The following HS6ST3 variants were observed in gnomAD, a reference collection of about 807,000 sequenced individuals.
HS6ST3 encodes the protein heparan-sulfate 6-O-sulfotransferase 3.
Under a neutral mutation model 36.7 loss-of-function variants are expected in HS6ST3, and 12 were observed. The observed-to-expected ratio is 0.33, with a 90% CI of 0.21 to 0.53. The LOEUF is 0.53. Among genes scored for constraint, HS6ST3 ranks in the 20% least tolerant of loss-of-function variants. The pLI is 0.95. For missense variants in HS6ST3, 584 were observed against 640.9 expected (o/e 0.91, Z 0.96); for synonymous variants, 240 against 257.5 (o/e 0.93, Z 0.65).
chr13:96,629,448 A>G (rs2056524288), intron 1 of HS6ST3, among the ~76,000 whole-genome samples: 1 of 152,108 alleles, frequency 6.6e-6, no homozygotes, highest in South Asian at 2.1e-4. Context: ...ATGAACACTC[A>G]TAGATTTGCT....
intron 1 of HS6ST3, among the ~76,000 whole-genome samples, chr13:96,104,262 G>T (rs2053831013): frequency 6.6e-6 from 1 of 152,166 alleles, no homozygotes; most frequent in African/African-American, 2.4e-5. Context: ...ATTGCAATAA[G>T]ATCTACTGGC....
chr13:96,473,669 C>A, intron 1 of HS6ST3, among the ~76,000 whole-genome samples: 1 of 152,156 alleles, frequency 6.6e-6, no homozygotes, highest in East Asian at 1.9e-4. Context: ...CACTTCCTGG[C>A]TTTTGCAGAT....
At chr13:96,265,876 T>C (rs752686120) in intron 1 of HS6ST3, among the ~76,000 whole-genome samples, 17 of 152,180 alleles carry the variant, frequency 1.1e-4, no homozygotes, top group Non-Finnish European at 2.2e-4. Context: ...AATAAAAATA[T>C]CTGGCTTCAA....
At chr13:96,682,463 C>T (rs547505539) in intron 1 of HS6ST3, among the ~76,000 whole-genome samples, 6 of 152,196 alleles carry the variant, frequency 3.9e-5, no homozygotes, top group South Asian at 4.1e-4. Flanking sequence ...TTGCTTGATA[C>T]GTGCAGAATT....
At chr13:96,826,914 A>T (rs1383927172) in intron 1 of HS6ST3, among the ~76,000 whole-genome samples, 1 of 152,160 alleles carries the variant, frequency 6.6e-6, no homozygotes, top group Non-Finnish European at 1.5e-5. Context: ...TGCCATCATA[A>T]CCCTCATGGC....
chr13:96,270,198 A>G (rs1325734421), intron 1 of HS6ST3, among the ~76,000 whole-genome samples: 1 of 151,768 alleles, frequency 6.6e-6, no homozygotes, highest in African/African-American at 2.4e-5. Context: ...AGGTCATGTG[A>G]GCACACAAGG....
At chr13:96,507,343 T>G (rs1311594213) in intron 1 of HS6ST3, among the ~76,000 whole-genome samples, 1 of 152,150 alleles carries the variant, frequency 6.6e-6, no homozygotes, top group Non-Finnish European at 1.5e-5. Context: ...TTGTTTCTTT[T>G]CACTATCCTT....
intron 1 of HS6ST3, among the ~76,000 whole-genome samples, chr13:96,434,864 T>TA (rs1485180860): frequency 2.0e-5 from 3 of 152,150 alleles, no homozygotes; most frequent in Non-Finnish European, 1.5e-5. Flanking sequence ...TTATAAATTA[T>TA]AAAAAAGGCT....
At chr13:96,396,942 C>T (rs2055424969) in intron 1 of HS6ST3, among the ~76,000 whole-genome samples, 1 of 152,192 alleles carries the variant, frequency 6.6e-6, no homozygotes, top group Non-Finnish European at 1.5e-5. Flanking sequence ...GTGGCACACG[C>T]CTGTAATCCT....
At chr13:96,309,259 C>G (rs547880854) in intron 1 of HS6ST3, among the ~76,000 whole-genome samples, 7 of 152,036 alleles carry the variant, frequency 4.6e-5, no homozygotes, top group Non-Finnish European at 8.8e-5. Flanking sequence ...TTAGCATCTG[C>G]TTGGTTTCAT....
chr13:96,461,383 C>T (rs2055783512), intron 1 of HS6ST3, among the ~76,000 whole-genome samples: 2 of 152,040 alleles, frequency 1.3e-5, no homozygotes, highest in African/African-American at 4.8e-5. Flanking sequence ...TTCATTTGTA[C>T]ATTTAATAAT....
At chr13:96,774,357 A>G (rs2138509577) in intron 1 of HS6ST3, among the ~76,000 whole-genome samples, 1 of 152,366 alleles carries the variant, frequency 6.6e-6, no homozygotes, top group East Asian at 1.9e-4. Flanking sequence ...AGTAGGCTTC[A>G]GAAGGTGGGT....
At chr13:96,139,631 A>T (rs980416108) in intron 1 of HS6ST3, among the ~76,000 whole-genome samples, 16 of 151,190 alleles carry the variant, frequency 1.1e-4, no homozygotes, top group Non-Finnish European at 1.9e-4. Flanking sequence ...ATTATAATTC[A>T]TGGTGAAGTG....
At chr13:96,821,499 A>G (rs1046881338) in intron 1 of HS6ST3, among the ~76,000 whole-genome samples, 1 of 152,226 alleles carries the variant, frequency 6.6e-6, no homozygotes, top group Non-Finnish European at 1.5e-5. Context: ...ACGTGACTCA[A>G]AGGGTTGTTT....
intron 1 of HS6ST3, among the ~76,000 whole-genome samples, chr13:96,511,044 C>T (rs907658520): frequency 1.3e-5 from 2 of 151,982 alleles, no homozygotes; most frequent in African/African-American, 4.8e-5. Context: ...CTGAAAAGGG[C>T]CTATTGATAA....
chr13:96,222,737 G>C (rs1166219047), intron 1 of HS6ST3, among the ~76,000 whole-genome samples: 1 of 152,216 alleles, frequency 6.6e-6, no homozygotes, highest in Non-Finnish European at 1.5e-5. Context: ...ATTTTAAATA[G>C]TTTACACTTA....
At chr13:96,649,729 C>G (rs977656371) in intron 1 of HS6ST3, among the ~76,000 whole-genome samples, 7 of 151,990 alleles carry the variant, frequency 4.6e-5, no homozygotes, top group African/African-American at 1.7e-4. Flanking sequence ...ATCCTTGCCC[C>G]TTTACAGTTC....
intron 1 of HS6ST3, among the ~76,000 whole-genome samples, chr13:96,819,085 G>C (rs902977260): frequency 6.6e-6 from 1 of 152,222 alleles, no homozygotes; most frequent in Non-Finnish European, 1.5e-5. Context: ...AAACTAGTAA[G>C]TAAAATGAAT....
intron 1 of HS6ST3, among the ~76,000 whole-genome samples, chr13:96,468,729 T>G (rs1049261674): frequency 6.6e-6 from 1 of 152,210 alleles, no homozygotes; most frequent in African/African-American, 2.4e-5. Flanking sequence ...TTACAGAGCC[T>G]GTGGAAGCTA....
Sources: allele counts gnomAD v4.1 joint callset (sites outside exome capture counted in the v4.1 genomes callset), GRCh38; gene constraint gnomAD v4.1.1; transcripts MANE v1.5; gene names NCBI Gene and HGNC (gene_info 2026-07-23, HGNC 2026-07-21).